Variants in PIBF1 observed in about 807,000 individuals in gnomAD.
PIBF1 encodes the protein progesterone immunomodulatory binding factor 1.
Under a neutral mutation model 112.5 loss-of-function variants are expected in PIBF1, and 90 were observed. The observed-to-expected ratio is 0.80, with a 90% confidence interval of 0.67 to 0.95. PIBF1 has a LOEUF of 0.95. Ranked by LOEUF, PIBF1 falls within the 40% of genes least tolerant of loss-of-function variation. PIBF1 has a pLI of 0.00. For missense variants in PIBF1, 915 were observed against 852.3 expected (o/e 1.07, Z -0.92); for synonymous variants, 301 against 288.6 (o/e 1.04, Z -0.44).
intron 5 of PIBF1, among the ~76,000 whole-genome samples, chr13:72,804,052 CTTA>C (rs2035609180): frequency 6.6e-6 from 1 of 152,108 alleles, no homozygotes; most frequent in Admixed American, 6.6e-5. Context: ...CATATATATA[CTTA>C]TTGTTGGCCT....
At chr13:72,784,661 A>G (rs907055863) in intron 2 of PIBF1, among the ~76,000 whole-genome samples, 1 of 151,162 alleles carries the variant, frequency 6.6e-6, no homozygotes, top group Non-Finnish European at 1.5e-5. Flanking sequence ...TCCGAGGCTG[A>G]GGCGGGAGAA....
At chr13:72,950,952 C>G (rs1017384911) in intron 14 of PIBF1, among the ~76,000 whole-genome samples, 1 of 152,176 alleles carries the variant, frequency 6.6e-6, no homozygotes, top group Non-Finnish European at 1.5e-5. Flanking sequence ...AAGTGAGTGC[C>G]GTGGTTTTTA....
At chr13:72,878,073 G>A (rs1461570649) in intron 10 of PIBF1, among the ~76,000 whole-genome samples, 2 of 151,460 alleles carry the variant, frequency 1.3e-5, no homozygotes, top group African/African-American at 2.4e-5. Context: ...TAGTAATTTA[G>A]GTCCTCTCTT....
intron 10 of PIBF1, among the ~76,000 whole-genome samples, chr13:72,886,465 TATAAA>T (rs1254517618): frequency 4.6e-5 from 7 of 151,992 alleles, no homozygotes; most frequent in Non-Finnish European, 1.5e-5. Flanking sequence ...ATAACAGTGT[TATAAA>T]ATGTTTCACT....
At chr13:72,933,057 C>G (rs2041758834) in intron 14 of PIBF1, among the ~76,000 whole-genome samples, 1 of 150,184 alleles carries the variant, frequency 6.7e-6, no homozygotes, top group African/African-American at 2.5e-5. Flanking sequence ...TGCTGCAAGC[C>G]AAGTCCAGCA....
chr13:72,973,547 A>T (rs373078335), intron 15 of PIBF1, 44 bp from the exon 16 acceptor site: 1 of 936,120 alleles, frequency 1.1e-6, no homozygotes, highest in Non-Finnish European at 1.7e-6. Context: ...AACTATATTT[A>T]TACTAACATA....
In PIBF1 at chr13:72,783,652, G is replaced by A. The variant is rs954704798; in HGVS notation, c.183G>A (p.Gln61=). The change falls in exon 2 of 18, where the codon CAG becomes CAA. Residue 61 remains glutamine (Q), a synonymous_variant. Coordinates refer to ENST00000326291, the MANE Select transcript of PIBF1 (RefSeq NM_006346.4). ...IERKELLHNI[Q]LLKIELSQKT... is the part of the protein sequence containing the mutation. ...GAAAAGAACTACTTCATAATATTCAGTTACTAAAAATTGAGCTATCCCAGA... is the reference window on the plus strand; with the variant it reads ...GAAAAGAACTACTTCATAATATTCAATTACTAAAAATTGAGCTATCCCAGA... The A allele has an allele frequency of 6.2e-6, 10 of 1,613,740 alleles. No homozygotes were observed. In the African/African-American group the frequency reaches 1.1e-4, roughly 17 times the overall value.
intron 10 of PIBF1, among the ~76,000 whole-genome samples, chr13:72,878,693 T>C (rs1315192401): frequency 6.6e-6 from 1 of 152,216 alleles, no homozygotes; most frequent in East Asian, 1.9e-4. Flanking sequence ...TTCTGCCTAC[T>C]GGATATGTCC....
intron 10 of PIBF1, among the ~76,000 whole-genome samples, chr13:72,875,448 A>C (rs920640207): frequency 6.6e-6 from 1 of 152,116 alleles, no homozygotes; most frequent in Non-Finnish European, 1.5e-5. Context: ...AAGAGTGCTT[A>C]GTTTTGTAAG....
chr13:72,892,144 ATGTT>A (rs1436219376), intron 10 of PIBF1, among the ~76,000 whole-genome samples: 3 of 152,158 alleles, frequency 2.0e-5, no homozygotes, highest in African/African-American at 7.2e-5. Flanking sequence ...AGAACTGTGT[ATGTT>A]AAAAGAGTGA....
At position 72,782,824 on chromosome 13, in the gene PIBF1, A is replaced by C. The variant is rs74338737; in HGVS notation, c.-48+475A>C. On this transcript the variant is annotated intron_variant, in intron 1 of 17. Transcript: ENST00000326291. ...TGATGCCTCATTGCCTGTAGAATAAAATCCAACCCTATTTTGACATTTAAG... is the reference window on the plus strand; with the variant it reads ...TGATGCCTCATTGCCTGTAGAATAACATCCAACCCTATTTTGACATTTAAG... 5.3e-3 allele frequency among the ~76,000 whole-genome samples: 808 copies of C among 152,148 alleles called. 15 individuals carry two copies. Among genetic ancestry groups the C allele is most frequent in the African/African-American group, 0.018 (757 of 41,498 alleles).
Position 72,792,450 on chromosome 13 carries a change from G to T in PIBF1, c.256G>T (p.Glu86Ter). 2 of 1,527,168 alleles carry T rather than the reference G, an allele frequency of 1.3e-6. No individual in the cohort carries two copies. The highest frequency in any genetic ancestry group is 1.8e-6 in the Non-Finnish European group (2 of 1,129,618). The allele number at this position is 1,527,168 out of a possible 1,614,324, so 94.6% of individuals were successfully genotyped here. Residue 86 changes from glutamate to a stop codon, truncating the protein, a stop_gained, in exon 3 of 18, where the codon GAA (glutamate) becomes TAA (stop). Coordinates refer to ENST00000326291, the MANE Select transcript of PIBF1 (RefSeq NM_006346.4). LOFTEE classifies it high-confidence loss of function. ...TTATCTTTTTCTCTTTACGAAGATTGAAGAATTGGAGGAGAAACTTAATGA... is the reference window on the plus strand; with the variant it reads ...TTATCTTTTTCTCTTTACGAAGATTTAAGAATTGGAGGAGAAACTTAATGA... ...NLKVDYLTKI[E>*]ELEEKLNDAL...
At chr13:72,962,596 CA>C (rs56918554) in intron 14 of PIBF1, among the ~76,000 whole-genome samples, 253 of 132,716 alleles carry the variant, frequency 1.9e-3, no homozygotes, top group Middle Eastern at 8.1e-3. Context: ...GTCCCTGTCT[CA>C]AAAAAAAAAA....
chr13:72,810,524 GTAAT>G (rs1021575067), intron 5 of PIBF1, among the ~76,000 whole-genome samples: 1 of 152,162 alleles, frequency 6.6e-6, no homozygotes, highest in Non-Finnish European at 1.5e-5. Context: ...TCATATGTAA[GTAAT>G]TCAGTTAATT....
intron 6 of PIBF1, among the ~76,000 whole-genome samples, chr13:72,825,424 CAT>C (rs1325563847): frequency 2.0e-5 from 3 of 152,196 alleles, no homozygotes; most frequent in Non-Finnish European, 4.4e-5. Flanking sequence ...TGTGTATACA[CAT>C]ATAGATACAT....
chr13:72,835,809 A>G (rs1463554448), intron 9 of PIBF1, among the ~76,000 whole-genome samples: 1 of 152,184 alleles, frequency 6.6e-6, no homozygotes, highest in Non-Finnish European at 1.5e-5. Context: ...CTGAAGAAAT[A>G]TCATTTTTGG....
intron 17 of PIBF1, among the ~76,000 whole-genome samples, chr13:73,006,239 G>C (rs113316646): frequency 0.11 from 16,761 of 152,058 alleles, 1,216 homozygotes; most frequent in Non-Finnish European, 0.17. Flanking sequence ...TTTTTATGTT[G>C]AATGTAGACT....
intron 16 of PIBF1, among the ~76,000 whole-genome samples, chr13:72,996,247 GA>G (rs566465159): frequency 3.0e-5 from 4 of 134,742 alleles, no homozygotes; most frequent in African/African-American, 8.7e-5. Flanking sequence ...GCAATCAACT[GA>G]AAAAAAACCT....
intron 17 of PIBF1, among the ~76,000 whole-genome samples, chr13:73,008,495 G>A (rs2044105368): frequency 6.6e-6 from 1 of 152,146 alleles, no homozygotes; most frequent in African/African-American, 2.4e-5. Context: ...TGTCACAGCA[G>A]ACCCAAACAT....
Sources: allele counts gnomAD v4.1 joint callset (sites outside exome capture counted in the v4.1 genomes callset), GRCh38; gene constraint gnomAD v4.1.1; transcripts MANE v1.5; gene names NCBI Gene and HGNC (gene_info 2026-07-23, HGNC 2026-07-21).